STK32B: variants seen among roughly 807,000 people sequenced by gnomAD.
STK32B encodes the protein serine/threonine-protein kinase 32B.
In STK32B, 43 loss-of-function variants were observed where a neutral mutation model predicts 52.6. The ratio of observed to expected loss-of-function variants is 0.82; its 90% CI spans 0.64 to 1.05. The LOEUF (loss-of-function observed/expected upper bound fraction) is 1.05, where lower values mean the gene tolerates loss of function less well. Ranked by LOEUF, STK32B falls within the 50% of genes least tolerant of loss-of-function variation. STK32B has a pLI of 0.00. For missense variants in STK32B, 621 were observed against 534.6 expected, an observed-to-expected ratio of 1.16 and a Z score of -1.59; for synonymous variants, 238 against 204.3, an observed-to-expected ratio of 1.17 and a Z score of -1.41.
intron 3 of STK32B, among the ~76,000 whole-genome samples, chr4:5,219,028 G>A (rs766412866): frequency 1.3e-5 from 2 of 152,196 alleles, no homozygotes; most frequent in African/African-American, 2.4e-5. Context: ...GGCCTGGAGA[G>A]CCCCCTGGTT....
chr4:5,350,148 AG>A (rs1733733570), intron 4 of STK32B, among the ~76,000 whole-genome samples: 1 of 152,178 alleles, frequency 6.6e-6, no homozygotes, highest in Non-Finnish European at 1.5e-5. Flanking sequence ...CAATTCAAAA[AG>A]GTTTACTCCA....
upstream of STK32B, among the ~76,000 whole-genome samples, chr4:5,047,678 G>C (rs889270973): frequency 3.3e-5 from 5 of 152,242 alleles, no homozygotes; most frequent in East Asian, 9.7e-4. Context: ...AGGGCTCCTG[G>C]ATGACAGGAA....
chr4:5,263,543 C>T (rs1726865798), intron 3 of STK32B, among the ~76,000 whole-genome samples: 1 of 152,220 alleles, frequency 6.6e-6, no homozygotes, highest in African/African-American at 2.4e-5. Context: ...CTCCATCCAC[C>T]TATGCAAAAT....
intron 1 of STK32B, among the ~76,000 whole-genome samples, chr4:5,062,210 C>T (rs1560132003): frequency 6.6e-6 from 1 of 152,190 alleles, no homozygotes; most frequent in Non-Finnish European, 1.5e-5. Context: ...AGAAGCAGCC[C>T]ACACTTGGTG....
intron 11 of STK32B, among the ~76,000 whole-genome samples, chr4:5,486,576 GCTGCACCCACTGTC>G (rs898819192): frequency 1.4e-4 from 21 of 152,344 alleles, no homozygotes; most frequent in Middle Eastern, 3.4e-3. Context: ...CGCTCGGTGC[GCTGCACCCACTGTC>G]CTGCACCCAC....
chr4:5,335,352 T>C (rs1228410363), intron 4 of STK32B, among the ~76,000 whole-genome samples: 1 of 152,190 alleles, frequency 6.6e-6, no homozygotes, highest in Non-Finnish European at 1.5e-5. Context: ...ATTGCATCTA[T>C]TTGATTCTTC....
chr4:5,272,847 G>A (rs1278224719), intron 3 of STK32B, among the ~76,000 whole-genome samples: 1 of 136,416 alleles, frequency 7.3e-6, no homozygotes, highest in Non-Finnish European at 1.6e-5. Flanking sequence ...AATTCAAGAT[G>A]GATTAAAGAT....
At chr4:5,381,042 C>G (rs146435535) in intron 4 of STK32B, among the ~76,000 whole-genome samples, 2 of 152,062 alleles carry the variant, frequency 1.3e-5, no homozygotes, top group South Asian at 2.1e-4. Flanking sequence ...TCCTCCCATT[C>G]CTTGTCTTTC....
chr4:5,442,588 C>A lies in STK32B; in HGVS notation c.563-4085C>A, dbSNP rs922148045. On this transcript the variant is annotated intron_variant, in intron 6 of 11. Transcript: ENST00000282908. The stretch of plus-strand genomic sequence containing the variant: ...GCCAGTCTGTGTCTTTTAATTGGAG[C>A]ATTTAGTCCATTTACATTTAAAGTT... 6.0e-5 allele frequency among the ~76,000 whole-genome samples: 9 copies of A among 151,172 alleles called. No homozygotes were observed. In the South Asian group the frequency reaches 6.5e-4, roughly 11 times the overall value.
At chr4:5,156,677 T>C (rs913636133) in intron 2 of STK32B, among the ~76,000 whole-genome samples, 2 of 152,196 alleles carry the variant, frequency 1.3e-5, no homozygotes, top group African/African-American at 4.8e-5. Flanking sequence ...GGCCCTCTGC[T>C]TGAAGAGCTG....
chr4:5,303,082 T>G (rs1729673665), intron 3 of STK32B, among the ~76,000 whole-genome samples: 1 of 152,062 alleles, frequency 6.6e-6, no homozygotes, highest in Admixed American at 6.6e-5. Flanking sequence ...ACTAGTTGAT[T>G]GATGGGCATT....
At chr4:5,497,182 A>T (rs1258409300) in intron 11 of STK32B, among the ~76,000 whole-genome samples, 9 of 152,210 alleles carry the variant, frequency 5.9e-5, no homozygotes, top group Admixed American at 5.2e-4. Flanking sequence ...GTATTTGAAC[A>T]TGTTAGCAGC....
intron 1 of STK32B, among the ~76,000 whole-genome samples, chr4:5,102,972 C>T (rs1713909338): frequency 7.2e-6 from 1 of 138,740 alleles, no homozygotes; most frequent in African/African-American, 2.7e-5. Context: ...CCTTTCCTTT[C>T]CTTTTCTTTC....
intron 3 of STK32B, among the ~76,000 whole-genome samples, chr4:5,187,533 G>A (rs996831275): frequency 7.3e-6 from 1 of 137,682 alleles, no homozygotes. Context: ...TCAGTACTGG[G>A]ATTAAAAGCA....
intron 11 of STK32B, among the ~76,000 whole-genome samples, chr4:5,493,790 A>G (rs979664775): frequency 1.4e-4 from 22 of 152,126 alleles, no homozygotes; most frequent in South Asian, 2.1e-4. Context: ...CTTTGTTCTC[A>G]TTGGTTTCAA....
intron 11 of STK32B, among the ~76,000 whole-genome samples, chr4:5,479,060 GGA>G (rs143825875): frequency 0.014 from 2,160 of 152,074 alleles, 59 homozygotes; most frequent in African/African-American, 0.05. Flanking sequence ...TTAATCCCGG[GGA>G]GTTTTTTCTT....
At chr4:5,370,312 T>C (rs992312177) in intron 4 of STK32B, among the ~76,000 whole-genome samples, 6 of 152,208 alleles carry the variant, frequency 3.9e-5, no homozygotes. Context: ...ACCTGCCACA[T>C]TGGAGCTGCA....
intron 3 of STK32B, among the ~76,000 whole-genome samples, chr4:5,187,107 G>C (rs1411837314): frequency 1.3e-5 from 2 of 152,190 alleles, no homozygotes; most frequent in Non-Finnish European, 2.9e-5. Context: ...CTGCAGGTGA[G>C]TGAGGGAATC....
At chr4:5,290,308 G>A (rs555672525) in intron 3 of STK32B, among the ~76,000 whole-genome samples, 1 of 149,782 alleles carries the variant, frequency 6.7e-6, no homozygotes, top group Non-Finnish European at 1.5e-5. Context: ...TGACTCTTTT[G>A]TAATAACACA....
Sources: allele counts gnomAD v4.1 joint callset (sites outside exome capture counted in the v4.1 genomes callset), GRCh38; gene constraint gnomAD v4.1.1; transcripts MANE v1.5; gene names NCBI Gene and HGNC (gene_info 2026-07-23, HGNC 2026-07-21).